The following TMC5 variants were observed in gnomAD, a reference collection of about 807,000 sequenced individuals.
The protein encoded by TMC5 is transmembrane channel-like protein 5.
A neutral mutation model predicts 110.5 loss-of-function variants in TMC5; 86 were observed. The observed-to-expected ratio is 0.78, with a 90% CI of 0.65 to 0.93. TMC5 has a LOEUF of 0.93. Ranked by LOEUF, TMC5 falls within the 40% of genes least tolerant of loss-of-function variation. The pLI is 0.00. For synonymous variants in TMC5, 455 were observed against 439.5 expected (o/e 1.04, Z -0.44); for missense variants, 1,144 against 1,222.8 (o/e 0.94, Z 0.96).
intron 4 of TMC5, among the ~76,000 whole-genome samples, chr16:19,447,908 C>G (rs1395935482): frequency 6.7e-6 from 1 of 149,664 alleles, no homozygotes; most frequent in Non-Finnish European, 1.5e-5. Flanking sequence ...CTAAGACACA[C>G]ACCCAGGGGG....
intron 4 of TMC5, 49 bp downstream of exon 4, chr16:19,444,299 A>C: frequency 6.4e-7 from 1 of 1,574,002 alleles, no homozygotes; most frequent in Non-Finnish European, 8.7e-7. Context: ...AACTGAAATC[A>C]CTGGATTTAG....
intron 1 of TMC5, among the ~76,000 whole-genome samples, chr16:19,430,140 G>A (rs1353453867): frequency 1.3e-5 from 2 of 152,200 alleles, no homozygotes; most frequent in Admixed American, 6.5e-5. Context: ...ATTGGATTAG[G>A]AAGAGGTATT....
At chr16:19,456,910 G>T (rs767516843) in intron 5 of TMC5, 3 of 1,614,182 alleles carry the variant, frequency 1.9e-6, no homozygotes, top group Middle Eastern at 1.6e-4. Context: ...AGGGTAACCA[G>T]GTGCTGCGGT....
At chr16:19,452,272 A>C (rs1323057956) in intron 5 of TMC5, among the ~76,000 whole-genome samples, 2 of 152,326 alleles carry the variant, frequency 1.3e-5, no homozygotes, top group South Asian at 2.1e-4. Flanking sequence ...GGTATAGGGG[A>C]AGGGACACAG....
chr16:19,475,143 C>A (rs763984112), intron 12 of TMC5, among the ~76,000 whole-genome samples: 15 of 152,062 alleles, frequency 9.9e-5, no homozygotes, highest in Admixed American at 9.8e-4. Context: ...GTCTGTAGGC[C>A]GGGCATGGTG....
upstream of TMC5, among the ~76,000 whole-genome samples, chr16:19,414,930 G>A (rs1170447330): frequency 6.6e-6 from 1 of 152,196 alleles, no homozygotes; most frequent in Non-Finnish European, 1.5e-5. Context: ...TGTAGTCCCA[G>A]CTGCTCAGGA....
intron 4 of TMC5, among the ~76,000 whole-genome samples, chr16:19,449,015 C>A (rs983530253): frequency 6.6e-6 from 1 of 151,336 alleles, no homozygotes; most frequent in Admixed American, 6.6e-5. Flanking sequence ...CCCGCCACTA[C>A]ACCCGGCTAA....
chr16:19,494,037 G>A (rs760409035), intron 19 of TMC5, among the ~76,000 whole-genome samples: 2 of 152,114 alleles, frequency 1.3e-5, no homozygotes, highest in Non-Finnish European at 2.9e-5. Context: ...TAGGGGAATT[G>A]CTTTAGAGGA....
chr16:19,428,862 G>C (rs1262305809), intron 1 of TMC5, among the ~76,000 whole-genome samples: 1 of 152,164 alleles, frequency 6.6e-6, no homozygotes, highest in East Asian at 1.9e-4. Flanking sequence ...GTCTCTCTCT[G>C]TTGCCCAGGC....
Position 19,424,137 on chromosome 16 carries a change from C to T in TMC5, c.-308+6045C>T, listed in dbSNP as rs115058583. On this transcript the variant is annotated intron_variant, in intron 1 of 21. Transcript: ENST00000542583. ...TTAAGGGCTCAGCGCCACAAGACTGCCTCCCAACTTTAGATATCAATTTCA... is the reference window on the plus strand; with the variant it reads ...TTAAGGGCTCAGCGCCACAAGACTGTCTCCCAACTTTAGATATCAATTTCA... Among the ~76,000 whole-genome samples, 899 of 152,254 alleles carry T rather than the reference C, an allele frequency of 5.9e-3. 12 individuals carry two copies. Among genetic ancestry groups the T allele is most frequent in the African/African-American group, 0.021 (863 of 41,552 alleles).
intron 9 of TMC5, among the ~76,000 whole-genome samples, chr16:19,469,310 C>T (rs1473623239): frequency 1.3e-5 from 2 of 149,990 alleles, no homozygotes; most frequent in Non-Finnish European, 2.9e-5. Flanking sequence ...GCAGAGATCA[C>T]ACCACTGCAC....
chr16:19,438,433 A>AAT (rs1967402416), intron 2 of TMC5, among the ~76,000 whole-genome samples: 1 of 50,600 alleles, frequency 2.0e-5, no homozygotes, highest in Non-Finnish European at 3.9e-5. Flanking sequence ...AAAAGAAAGA[A>AAT]AGAGAAAGAA....
intron 15 of TMC5, among the ~76,000 whole-genome samples, chr16:19,481,928 G>C (rs908041170): frequency 5.9e-5 from 9 of 152,106 alleles, no homozygotes; most frequent in African/African-American, 2.2e-4. Flanking sequence ...CTTCTACCAC[G>C]TGGGGACATG....
intron 10 of TMC5, among the ~76,000 whole-genome samples, chr16:19,471,255 TA>T (rs1968334539): frequency 6.6e-6 from 1 of 152,008 alleles, no homozygotes; most frequent in South Asian, 2.1e-4. Context: ...CATGCCCAAC[TA>T]ATTTTTAAAT....
chr16:19,465,103 TCCTTCCTTCCTCCCTC>T (rs1237818259), intron 8 of TMC5, among the ~76,000 whole-genome samples: 60 of 94,746 alleles, frequency 6.3e-4, no homozygotes, highest in Admixed American at 1.4e-3. Context: ...CTTCCTTCCT[TCCTTCCTTCCTCCCTC>T]CCTCCCTCCC....
At position 19,440,005 on chromosome 16, in the gene TMC5, G is replaced by A. The variant is rs1317959402; in HGVS notation, c.-34G>A. 6.5e-7 allele frequency: 1 copy of A among 1,546,914 alleles called. No homozygotes were observed. The highest frequency in any genetic ancestry group is 1.2e-5 in the South Asian group (1 of 85,388). On this transcript the variant is annotated 5_prime_UTR_variant, in exon 3 of 22. Coordinates refer to ENST00000542583, the MANE Select transcript of TMC5 (RefSeq NM_001261841.2). ...CTGAGTAATTGCAAATGCTGGGACA[G>A]TTTACCACTCCAGGGTGAAGAGTCC... is the stretch of plus-strand genomic sequence containing the variant.
At chr16:19,490,937 C>T (rs555698121) in intron 18 of TMC5, among the ~76,000 whole-genome samples, 23 of 126,888 alleles carry the variant, frequency 1.8e-4, no homozygotes, top group African/African-American at 5.5e-4. Flanking sequence ...CCCTTCCCCT[C>T]CCTTCCCTTC....
chr16:19,424,851 A>G (rs1967058727), intron 1 of TMC5, among the ~76,000 whole-genome samples: 1 of 152,176 alleles, frequency 6.6e-6, no homozygotes, highest in African/African-American at 2.4e-5. Flanking sequence ...ATTGATTATT[A>G]AATCAATCTC....
intron 4 of TMC5, among the ~76,000 whole-genome samples, chr16:19,447,606 C>T (rs78824084): frequency 6.6e-6 from 1 of 151,982 alleles, no homozygotes; most frequent in Admixed American, 6.6e-5. Flanking sequence ...ATTTTTCAGA[C>T]AAAATGCCCG....
Sources: allele counts gnomAD v4.1 joint callset (sites outside exome capture counted in the v4.1 genomes callset), GRCh38; gene constraint gnomAD v4.1.1; transcripts MANE v1.5; gene names NCBI Gene and HGNC (gene_info 2026-07-23, HGNC 2026-07-21).